PARD6G: variants seen among roughly 807,000 people sequenced by gnomAD.
The protein encoded by PARD6G is partitioning defective 6 homolog gamma.
Under a neutral mutation model 10.7 loss-of-function variants are expected in PARD6G, and 7 were observed. That is an observed-to-expected ratio of 0.66 (90% CI 0.37 to 1.23). The LOEUF is 1.23. PARD6G is among the 50% of genes most tolerant of loss of function. The pLI is 0.02. For synonymous variants in PARD6G, 287 were observed against 269.4 expected (o/e 1.07, Z -0.64); for missense variants, 548 against 571.8 (o/e 0.96, Z 0.42).
chr18:80,176,926 C>G (rs1054341593), intron 2 of PARD6G, among the ~76,000 whole-genome samples: 2 of 150,352 alleles, frequency 1.3e-5, no homozygotes, highest in East Asian at 2.0e-4. Flanking sequence ...GGATAAATCA[C>G]AGTCCAGATG....
intron 1 of PARD6G, among the ~76,000 whole-genome samples, chr18:80,219,745 C>T (rs748925074): frequency 5.3e-5 from 8 of 152,212 alleles, no homozygotes; most frequent in Non-Finnish European, 7.3e-5. Flanking sequence ...CTGAGACCAG[C>T]CTGACTTTAT....
At chr18:80,207,015 C>T (rs571009584) in intron 1 of PARD6G, among the ~76,000 whole-genome samples, 1 of 149,476 alleles carries the variant, frequency 6.7e-6, no homozygotes, top group East Asian at 2.0e-4. Context: ...TCAATAAAGA[C>T]TTAACAGTAA....
intron 2 of PARD6G, among the ~76,000 whole-genome samples, chr18:80,186,543 C>A (rs1180637527): frequency 6.6e-6 from 1 of 151,926 alleles, no homozygotes; most frequent in East Asian, 1.9e-4. Context: ...CACACGCGCA[C>A]ACCCTCACAC....
In PARD6G at chr18:80,181,651, C is replaced by T. The variant is rs2052849192; in HGVS notation, c.296-21045G>A. Among the ~76,000 whole-genome samples the T allele has an allele frequency of 1.3e-5, 2 of 152,088 alleles. No individual in the cohort carries two copies. Among genetic ancestry groups the T allele is most frequent in the South Asian group, 4.1e-4 (2 of 4,822 alleles). ...ATCCTCCCTCATCAGCGACTGTGCCCCTGCCTCCTGCTTGGGGAAGAGCTT... is the reference window on the plus strand; with the variant it reads ...ATCCTCCCTCATCAGCGACTGTGCCTCTGCCTCCTGCTTGGGGAAGAGCTT... On this transcript the variant is annotated intron_variant, in intron 2 of 2. Transcript: ENST00000353265. The surrounding 1 kb of genome is among the most constrained non-coding windows in gnomAD (Gnocchi z 7.9).
chr18:80,237,009 C>T (rs552842893), intron 1 of PARD6G, among the ~76,000 whole-genome samples: 5 of 152,106 alleles, frequency 3.3e-5, no homozygotes, highest in Admixed American at 3.3e-4. Flanking sequence ...CTTTAAAGTT[C>T]ATATGGAACC....
At chr18:80,168,573 TTGTGTGTGTGTGTGTGTGTGTG>T (rs3051500) in intron 2 of PARD6G, among the ~76,000 whole-genome samples, 2 of 144,336 alleles carry the variant, frequency 1.4e-5, no homozygotes, top group Non-Finnish European at 3.0e-5. Context: ...CAAATTATGT[TTGTGTGTGTGTGTGTGTGTGTG>T]TGTGTGTGTG....
Position 80,231,886 on chromosome 18 carries a change from T to C in PARD6G, c.72+15391A>G, listed in dbSNP as rs1339756486. On this transcript the variant is annotated intron_variant, in intron 1 of 2. Coordinates refer to ENST00000353265, the MANE Select transcript of PARD6G (RefSeq NM_032510.4). The surrounding 1 kb of genome is among the most constrained non-coding windows in gnomAD (Gnocchi z 4.2). The stretch of plus-strand genomic sequence containing the variant: ...ACAGTAAAGGCAGACCTCTTGCATG[T>C]ATGGAGTTATAATAGCACAGGATAG... 1.3e-5 allele frequency among the ~76,000 whole-genome samples: 2 copies of C among 152,028 alleles called. No homozygotes were observed. The highest frequency in any genetic ancestry group is 2.9e-5 in the Non-Finnish European group (2 of 68,018).
At chr18:80,203,058 A>G (rs942975216) in intron 1 of PARD6G, 126 bp from the exon 2 acceptor site, 111 of 644,344 alleles carry the variant, frequency 1.7e-4, no homozygotes, top group Admixed American at 8.3e-4. Flanking sequence ...TTAATCAATC[A>G]TCCACTGATA....
Position 80,159,660 on chromosome 18 carries a change from C to T in PARD6G, c.*111G>A, listed in dbSNP as rs934146009. 8 of 1,299,388 alleles carry T rather than the reference C, an allele frequency of 6.2e-6. No individual in the cohort carries two copies. The highest frequency in any genetic ancestry group is 7.9e-6 in the Non-Finnish European group (8 of 1,018,668). 80.5% of individuals were successfully genotyped at this position (1,299,388 alleles called of 1,614,324 possible). Reference sequence around the variant, plus strand: ...ATCCGGAAGTTGAAACAAAGAGCAGCGTTGTTTTTGTGGTCACAAAAACAA... The same window carrying T: ...ATCCGGAAGTTGAAACAAAGAGCAGTGTTGTTTTTGTGGTCACAAAAACAA... On this transcript the variant is annotated 3_prime_UTR_variant, in exon 3 of 3. Coordinates refer to ENST00000353265, the MANE Select transcript of PARD6G (RefSeq NM_032510.4).
chr18:80,187,021 C>G (rs2052883479), intron 2 of PARD6G, among the ~76,000 whole-genome samples: 1 of 151,996 alleles, frequency 6.6e-6, no homozygotes, highest in Non-Finnish European at 1.5e-5. Flanking sequence ...ATGGCGTGAA[C>G]CCGGGAGGTG....
intron 1 of PARD6G, among the ~76,000 whole-genome samples, chr18:80,244,091 C>T (rs918668820): frequency 6.6e-6 from 1 of 152,152 alleles, no homozygotes; most frequent in African/African-American, 2.4e-5. Flanking sequence ...CCATTTACCG[C>T]CCCCTGTAAA....
Position 80,228,219 on chromosome 18 carries a change from C to T in PARD6G, c.72+19058G>A, listed in dbSNP as rs148346116. Among the ~76,000 whole-genome samples, 22 of 152,274 alleles carry T rather than the reference C, an allele frequency of 1.4e-4. No individual in the cohort carries two copies. In the East Asian group the frequency reaches 3.9e-3, roughly 27 times the overall value. The stretch of plus-strand genomic sequence containing the variant: ...GCCCGACCTGGTGCTCAGGAAGTCA[C>T]ATCCCACGGGGGAGACGGCAGCGAG... On this transcript the variant is annotated intron_variant, in intron 1 of 2. Coordinates refer to ENST00000353265, the MANE Select transcript of PARD6G (RefSeq NM_032510.4). The surrounding 1 kb of genome is among the most constrained non-coding windows in gnomAD (Gnocchi z 4.6).
intron 1 of PARD6G, among the ~76,000 whole-genome samples, chr18:80,212,245 T>C (rs896457156): frequency 1.3e-5 from 2 of 152,166 alleles, no homozygotes; most frequent in African/African-American, 4.8e-5. Context: ...GATGGAATGG[T>C]GTCCTGCCCA....
intron 2 of PARD6G, among the ~76,000 whole-genome samples, chr18:80,179,751 G>A (rs2052838344): frequency 1.3e-5 from 2 of 152,240 alleles, no homozygotes; most frequent in Non-Finnish European, 2.9e-5. Flanking sequence ...CATGCCATGG[G>A]TTCCGTGCAC....
Position 80,165,743 on chromosome 18 carries a change from CAT to C in PARD6G, c.296-5139_296-5138del, listed in dbSNP as rs539431599. Among the ~76,000 whole-genome samples, 62 of 150,146 alleles carry C rather than the reference CAT, an allele frequency of 4.1e-4. No homozygotes were observed. The East Asian group carries it at 0.011, about 27-fold the overall frequency. ...TTAGTAAAGGTTTGTTTTGAAAAAA[CAT>C]GGTGTTGAACTGTTAACCTCCAGGA... On this transcript the variant is annotated intron_variant, in intron 2 of 2. Coordinates refer to ENST00000353265, the MANE Select transcript of PARD6G (RefSeq NM_032510.4).
intron 2 of PARD6G, among the ~76,000 whole-genome samples, chr18:80,164,656 A>G (rs2052723208): frequency 6.6e-6 from 1 of 152,250 alleles, no homozygotes; most frequent in South Asian, 2.1e-4. Flanking sequence ...CCTGCCCCCA[A>G]TATTTCAACG....
At position 80,231,107 on chromosome 18, in the gene PARD6G, C is replaced by A. The variant is rs944578398; in HGVS notation, c.72+16170G>T. Among the ~76,000 whole-genome samples the A allele has an allele frequency of 2.0e-5, 3 of 152,098 alleles. No homozygotes were observed. The highest frequency in any genetic ancestry group is 7.2e-5 in the African/African-American group (3 of 41,408). ...GAACACCCCAGGTGGGAGGGGATGC[C>A]CCTCATGGAGGGAATGGACAAGGAT... On this transcript the variant is annotated intron_variant, in intron 1 of 2. Coordinates refer to ENST00000353265, the MANE Select transcript of PARD6G (RefSeq NM_032510.4). This position sits in a 1 kb window ranked among gnomAD's most constrained non-coding sequence, Gnocchi z 4.2.
chr18:80,190,750 AG>A (rs1384426177), intron 2 of PARD6G, among the ~76,000 whole-genome samples: 1 of 152,182 alleles, frequency 6.6e-6, no homozygotes, highest in Non-Finnish European at 1.5e-5. Context: ...GGGCTTAGGA[AG>A]CCTACAGAGA....
chr18:80,213,056 A>G (rs1041983463), intron 1 of PARD6G, among the ~76,000 whole-genome samples: 2 of 152,158 alleles, frequency 1.3e-5, no homozygotes, highest in African/African-American at 4.8e-5. Flanking sequence ...CAATCAGCCC[A>G]TAGTAAATTG....
Sources: allele counts gnomAD v4.1 joint callset (sites outside exome capture counted in the v4.1 genomes callset), GRCh38; gene constraint gnomAD v4.1.1; non-coding constraint Gnocchi (gnomAD v3.1); transcripts MANE v1.5; gene names NCBI Gene and HGNC (gene_info 2026-07-23, HGNC 2026-07-21).